The following PIGU variants were observed in gnomAD, a reference collection of about 807,000 sequenced individuals.
The protein encoded by PIGU is GPI-anchor transamidase component PIGU.
Under a neutral mutation model 49.9 loss-of-function variants are expected in PIGU, and 24 were observed. That is an observed-to-expected ratio of 0.48 (90% confidence interval 0.35 to 0.68). The LOEUF (loss-of-function observed/expected upper bound fraction) is 0.68. PIGU is among the 30% of genes least tolerant of loss of function. The pLI is 0.01. For synonymous variants in PIGU, 220 were observed against 205.7 expected (o/e 1.07, Z -0.59); for missense variants, 490 against 532.6 (o/e 0.92, Z 0.79).
intron 10 of PIGU, among the ~76,000 whole-genome samples, chr20:34,580,680 C>A (rs188286104): frequency 1.3e-5 from 2 of 152,312 alleles, no homozygotes; most frequent in Admixed American, 1.3e-4. Flanking sequence ...TAAAAACCCG[C>A]TCCACAAATG....
chr20:34,623,686 T>C (rs924382867), intron 6 of PIGU, among the ~76,000 whole-genome samples: 1 of 152,164 alleles, frequency 6.6e-6, no homozygotes, highest in Admixed American at 6.5e-5. Flanking sequence ...AGCAACTAGT[T>C]ATTGAGTGGA....
chr20:34,637,743 C>T, intron 5 of PIGU, 133 bp downstream of exon 5: 1 of 1,503,028 alleles, frequency 6.7e-7, no homozygotes, highest in Non-Finnish European at 8.8e-7. Flanking sequence ...CCCAGTTGTG[C>T]AACAGAACTA....
At chr20:34,620,809 CAAAAAAAAAACAAAAAAAA>C (rs1319895170) in intron 6 of PIGU, among the ~76,000 whole-genome samples, 10 of 127,810 alleles carry the variant, frequency 7.8e-5, no homozygotes, top group Admixed American at 5.4e-4. Context: ...TAAAAAAAAA[CAAAAAAAAAACAAAAAAAA>C]AAAAACAAAA....
chr20:34,644,849 G>GAGC (rs1986282297), intron 3 of PIGU, among the ~76,000 whole-genome samples: 1 of 152,082 alleles, frequency 6.6e-6, no homozygotes, highest in African/African-American at 2.4e-5. Context: ...TAGAATCTCA[G>GAGC]AGCTAGAAAA....
intron 10 of PIGU, among the ~76,000 whole-genome samples, chr20:34,578,282 C>A (rs1292759387): frequency 1.3e-5 from 2 of 152,136 alleles, no homozygotes; most frequent in African/African-American, 4.8e-5. Flanking sequence ...CCTCCTGAGA[C>A]CTCCCAGGAA....
intron 1 of PIGU, among the ~76,000 whole-genome samples, chr20:34,672,969 T>A (rs1272414998): frequency 3.3e-5 from 5 of 150,258 alleles, no homozygotes; most frequent in African/African-American, 4.9e-5. Flanking sequence ...AAATTTAAAA[T>A]GTCAGCCCGG....
intron 7 of PIGU, among the ~76,000 whole-genome samples, chr20:34,606,122 G>A (rs574001272): frequency 1.3e-5 from 2 of 152,132 alleles, no homozygotes; most frequent in East Asian, 1.9e-4. Context: ...AGGCGTGGTG[G>A]CAGGTGCCTG....
At position 34,666,687 on chromosome 20, in the gene PIGU, C is replaced by CTT. The variant is rs918644106; in HGVS notation, c.131-9445_131-9444dup. 3.8e-3 allele frequency among the ~76,000 whole-genome samples: 345 copies of CTT among 90,612 alleles called. 18 individuals carry two copies. The highest frequency in any genetic ancestry group is 0.011 in the African/African-American group (252 of 22,962). The allele number at this position is 90,612 out of a possible 152,430, so 59.4% of individuals were successfully genotyped here. On this transcript the variant is annotated intron_variant, in intron 1 of 11. Transcript: ENST00000217446. ...AGTGCACCACTGCACCTGACTAATTCTTTTTTTTTTTTTTTTTTTTTTTTT... is the reference window on the plus strand; with the variant it reads ...AGTGCACCACTGCACCTGACTAATTCTTTTTTTTTTTTTTTTTTTTTTTTTTT...
intron 6 of PIGU, among the ~76,000 whole-genome samples, chr20:34,622,338 G>A (rs1216833932): frequency 1.3e-5 from 2 of 151,988 alleles, no homozygotes; most frequent in African/African-American, 2.4e-5. Context: ...CCAATATGGT[G>A]AAGCCCCATC....
At chr20:34,617,354 C>T (rs1171421573) in intron 6 of PIGU, among the ~76,000 whole-genome samples, 2 of 152,210 alleles carry the variant, frequency 1.3e-5, no homozygotes, top group Admixed American at 6.5e-5. Context: ...TGCAAAGCCA[C>T]AAGGGTGGAG....
intron 2 of PIGU, among the ~76,000 whole-genome samples, chr20:34,656,067 G>C (rs1383621286): frequency 2.0e-5 from 2 of 101,776 alleles, no homozygotes; most frequent in Middle Eastern, 5.3e-3. Flanking sequence ...TCTGCCTCCC[G>C]GGTTCAAACA....
Position 34,590,577 on chromosome 20 carries a change from G to GTAACATAACATAACATAACA in PIGU, c.628-1990_628-1971dup, listed in dbSNP as rs10544376. Among the ~76,000 whole-genome samples, 520 of 140,630 alleles carry GTAACATAACATAACATAACA rather than the reference G, an allele frequency of 3.7e-3. 1 individual carries two copies. The highest frequency in any genetic ancestry group is 7.1e-3 in the Middle Eastern group (2 of 282). 92.3% of individuals were successfully genotyped at this position (140,630 alleles called of 152,430 possible). A position where few individuals can be genotyped will look rare whatever the true frequency, so the allele number is the denominator to read the frequency against. ...TCTGTCTCAAATAAAATAGCGTAAC[G>GTAACATAACATAACATAACA]TAACATAACATAACATAACATAACA... is the stretch of plus-strand genomic sequence containing the variant. On this transcript the variant is annotated intron_variant, in intron 7 of 11. Transcript: ENST00000217446.
intron 5 of PIGU, 49 bp downstream of exon 5, chr20:34,637,827 T>C (rs771105817): frequency 6.3e-7 from 1 of 1,590,556 alleles, no homozygotes; most frequent in Non-Finnish European, 8.5e-7. Context: ...CTCATCAGAT[T>C]TTCCTCGCAT....
At chr20:34,568,056 C>T (rs894182609) in intron 11 of PIGU, among the ~76,000 whole-genome samples, 1 of 152,168 alleles carries the variant, frequency 6.6e-6, no homozygotes, top group Non-Finnish European at 1.5e-5. Flanking sequence ...ATTCACCCCT[C>T]GCAGAGTGCC....
intron 6 of PIGU, among the ~76,000 whole-genome samples, chr20:34,631,521 G>T (rs1437501315): frequency 6.7e-6 from 1 of 149,006 alleles, no homozygotes. Flanking sequence ...ATTTCAAAAC[G>T]CTCAGGATAA....
At chr20:34,668,365 G>T (rs577672156) in intron 1 of PIGU, among the ~76,000 whole-genome samples, 22 of 149,872 alleles carry the variant, frequency 1.5e-4, no homozygotes, top group Admixed American at 6.9e-4. Context: ...GGGAGGCTAA[G>T]GCAGGAGAAT....
At chr20:34,615,149 T>A (rs1259838191) in intron 7 of PIGU, among the ~76,000 whole-genome samples, 1 of 152,208 alleles carries the variant, frequency 6.6e-6, no homozygotes, top group Non-Finnish European at 1.5e-5. Flanking sequence ...TGGCTAACAC[T>A]AGACTAATAT....
chr20:34,581,085 T>C (rs1270296508), intron 10 of PIGU, among the ~76,000 whole-genome samples: 1 of 152,178 alleles, frequency 6.6e-6, no homozygotes, highest in African/African-American at 2.4e-5. Context: ...AGTTACCCTA[T>C]TGAACTGTGC....
intron 7 of PIGU, among the ~76,000 whole-genome samples, chr20:34,606,376 A>G (rs1166554785): frequency 6.6e-6 from 1 of 152,128 alleles, no homozygotes; most frequent in Non-Finnish European, 1.5e-5. Context: ...AATCCAATCA[A>G]GACTCTCCCA....
Sources: allele counts gnomAD v4.1 joint callset (sites outside exome capture counted in the v4.1 genomes callset), GRCh38; gene constraint gnomAD v4.1.1; transcripts MANE v1.5; gene names NCBI Gene and HGNC (gene_info 2026-07-23, HGNC 2026-07-21).